SMYD3: variants seen among roughly 807,000 people sequenced by gnomAD.
SMYD3 encodes the protein histone-lysine N-methyltransferase SMYD3.
SMYD3 carries 36 observed loss-of-function variants against 57.7 expected under a neutral mutation model. The observed-to-expected ratio is 0.62, with a 90% CI of 0.48 to 0.82. The LOEUF is 0.82. Ranked by LOEUF, SMYD3 falls within the 40% of genes least tolerant of loss-of-function variation. SMYD3 has a pLI of 0.00. For missense variants in SMYD3, 515 were observed against 538.8 expected (o/e 0.96, Z 0.44); for synonymous variants, 211 against 195.0 (o/e 1.08, Z -0.68).
intron 1 of SMYD3, among the ~76,000 whole-genome samples, chr1:246,411,916 G>A (rs2066979890): frequency 6.8e-6 from 1 of 147,060 alleles, no homozygotes; most frequent in South Asian, 2.2e-4. Context: ...CATGGCACAT[G>A]TATACATATG....
chr1:245,833,798 C>A (rs1211477922), intron 10 of SMYD3, among the ~76,000 whole-genome samples: 3 of 152,194 alleles, frequency 2.0e-5, no homozygotes, highest in African/African-American at 7.2e-5. Context: ...CTGGCCAGGG[C>A]CGGGAGCTCA....
intron 5 of SMYD3, among the ~76,000 whole-genome samples, chr1:245,997,119 C>A (rs1263260540): frequency 6.9e-6 from 1 of 144,388 alleles, no homozygotes; most frequent in African/African-American, 2.6e-5. Flanking sequence ...TTTTAATTAA[C>A]GAAATGAAAC....
chr1:245,796,870 C>G (rs1356525316), intron 10 of SMYD3, among the ~76,000 whole-genome samples: 1 of 152,134 alleles, frequency 6.6e-6, no homozygotes, highest in African/African-American at 2.4e-5. Context: ...GCATTTTTTT[C>G]TCTTTCTCCC....
chr1:246,335,250 G>A, intron 3 of SMYD3, 117 bp downstream of exon 3: 1 of 873,470 alleles, frequency 1.1e-6, no homozygotes, highest in South Asian at 1.7e-5. Flanking sequence ...TGCAATATTT[G>A]CTTTATTGTG....
In SMYD3 at chr1:246,494,051, TTC is replaced by T. The variant is rs2068317628; in HGVS notation, c.164+13001_164+13002del. On this transcript the variant is annotated intron_variant, in intron 1 of 11. Coordinates refer to ENST00000490107, the MANE Select transcript of SMYD3 (RefSeq NM_001167740.2). ...GAATCCTCATCTCCAGTCTTTCCAC[TTC>T]TCTCCCTCATCACAAAATTCACCCA... Among the ~76,000 whole-genome samples, 7 of 152,102 alleles carry T rather than the reference TTC, an allele frequency of 4.6e-5. No homozygotes were observed. The South Asian group carries it at 1.2e-3, about 27-fold the overall frequency.
intron 1 of SMYD3, among the ~76,000 whole-genome samples, chr1:246,482,446 C>T (rs993958973): frequency 1.1e-4 from 16 of 148,532 alleles, no homozygotes; most frequent in African/African-American, 4.0e-4. Context: ...AGTGGTATTA[C>T]CCCAGATTTT....
intron 5 of SMYD3, among the ~76,000 whole-genome samples, chr1:246,310,951 AC>A (rs1254676563): frequency 6.6e-6 from 1 of 152,020 alleles, no homozygotes; most frequent in African/African-American, 2.4e-5. Flanking sequence ...TACAGGCGTG[AC>A]CCACCACACC....
At chr1:246,031,577 AATAT>A (rs1214974670) in intron 5 of SMYD3, among the ~76,000 whole-genome samples, 3 of 152,048 alleles carry the variant, frequency 2.0e-5, no homozygotes, top group African/African-American at 7.2e-5. Context: ...CTCTACTAAA[AATAT>A]AAAAAATTAG....
intron 10 of SMYD3, among the ~76,000 whole-genome samples, chr1:245,851,014 C>G (rs570665296): frequency 6.6e-6 from 1 of 152,224 alleles, no homozygotes; most frequent in South Asian, 2.1e-4. Flanking sequence ...ACTAGATTCT[C>G]TATATGAGGC....
chr1:246,416,793 CCTT>C (rs913376102), intron 1 of SMYD3, among the ~76,000 whole-genome samples: 2 of 152,026 alleles, frequency 1.3e-5, no homozygotes, highest in Admixed American at 6.5e-5. Flanking sequence ...GACTCTGTAA[CCTT>C]CTCCTGTATC....
intron 5 of SMYD3, among the ~76,000 whole-genome samples, chr1:246,159,671 G>A (rs574064296): frequency 3.3e-5 from 5 of 152,294 alleles, no homozygotes; most frequent in East Asian, 3.9e-4. Context: ...TGGCAAGTGC[G>A]AAGTCCCTTG....
intron 1 of SMYD3, among the ~76,000 whole-genome samples, chr1:246,496,444 G>A (rs2068365061): frequency 6.6e-6 from 1 of 152,094 alleles, no homozygotes; most frequent in Admixed American, 6.6e-5. Flanking sequence ...CCTTGTGGTT[G>A]CTCTTATTTA....
intron 1 of SMYD3, among the ~76,000 whole-genome samples, chr1:246,475,760 A>G (rs1278921708): frequency 1.4e-5 from 2 of 145,450 alleles, no homozygotes; most frequent in East Asian, 2.0e-4. Flanking sequence ...GACTACAGGC[A>G]TGCACCAACA....
intron 1 of SMYD3, among the ~76,000 whole-genome samples, chr1:246,432,593 G>A (rs969820887): frequency 1.3e-5 from 2 of 152,218 alleles, no homozygotes; most frequent in South Asian, 2.1e-4. Flanking sequence ...TTCACGATGT[G>A]AGGTTGAGTT....
rs555139527 is a variant in SMYD3 at position 246,248,314 on chromosome 1, C to T, written c.531+78887G>A. The stretch of plus-strand genomic sequence containing the variant: ...ACAAGAGAAGTCTTCACAAAACACA[C>T]GCTGGGCTCTCACACACTCATTTTC... On this transcript the variant is annotated intron_variant, in intron 5 of 11. Coordinates refer to ENST00000490107, the MANE Select transcript of SMYD3 (RefSeq NM_001167740.2). Among the ~76,000 whole-genome samples, 43 of 151,482 alleles carry T rather than the reference C, an allele frequency of 2.8e-4. No homozygotes were observed. In the South Asian group the frequency reaches 4.7e-3, roughly 17 times the overall value.
chr1:246,157,758 GT>G (rs1283469637), intron 5 of SMYD3, among the ~76,000 whole-genome samples: 1 of 152,184 alleles, frequency 6.6e-6, no homozygotes, highest in African/African-American at 2.4e-5. Flanking sequence ...GTGGAACTGC[GT>G]TGAGAATCTG....
At chr1:245,846,425 T>C (rs905880156) in intron 10 of SMYD3, among the ~76,000 whole-genome samples, 5 of 152,208 alleles carry the variant, frequency 3.3e-5, no homozygotes, top group African/African-American at 4.8e-5. Context: ...GAAAGACCAC[T>C]AGAGCCCTCT....
At chr1:246,233,395 C>T (rs370815637) in intron 5 of SMYD3, among the ~76,000 whole-genome samples, 35 of 85,490 alleles carry the variant, frequency 4.1e-4, no homozygotes, top group African/African-American at 4.3e-4. Context: ...GAAGCACTCC[C>T]CAATTCACAC....
chr1:246,166,083 G>T (rs6703566), intron 5 of SMYD3, among the ~76,000 whole-genome samples: 9 of 151,892 alleles, frequency 5.9e-5, no homozygotes, highest in African/African-American at 2.2e-4. Flanking sequence ...CTGTGGACTA[G>T]GTTCCCCTCC....
Sources: allele counts gnomAD v4.1 joint callset (sites outside exome capture counted in the v4.1 genomes callset), GRCh38; gene constraint gnomAD v4.1.1; transcripts MANE v1.5; gene names NCBI Gene and HGNC (gene_info 2026-07-23, HGNC 2026-07-21).